Variants in XYLB observed in about 807,000 individuals in gnomAD.
The protein encoded by XYLB is xylulose kinase.
A neutral mutation model predicts 78.7 loss-of-function variants in XYLB; 62 were observed. The ratio of observed to expected loss-of-function variants is 0.79; its 90% CI spans 0.64 to 0.97. The LOEUF is 0.97. Among genes scored for constraint, XYLB ranks in the 50% least tolerant of loss-of-function variants. The pLI is 0.00. For missense variants in XYLB, 687 were observed against 676.8 expected (o/e 1.02, Z -0.17); for synonymous variants, 245 against 247.4 (o/e 0.99, Z 0.09).
chr3:38,363,318 G>A (rs986831691), intron 4 of XYLB, among the ~76,000 whole-genome samples: 9 of 152,186 alleles, frequency 5.9e-5, no homozygotes, highest in Non-Finnish European at 1.0e-4. Context: ...AATTTATTAT[G>A]ACTGCTTGGG....
At chr3:38,369,855 G>T (rs1706451915) in intron 8 of XYLB, among the ~76,000 whole-genome samples, 1 of 152,174 alleles carries the variant, frequency 6.6e-6, no homozygotes, top group Non-Finnish European at 1.5e-5. Flanking sequence ...TGGAGGAGGT[G>T]TGGTGCCGTG....
the XYLB span, among the ~76,000 whole-genome samples, chr3:38,442,363 C>T: frequency 7.1e-4 from 108 of 152,320 alleles, no homozygotes; most frequent in African/African-American, 2.4e-3. Flanking sequence ...ACCAGAGTGC[C>T]TGGACTTGAG....
the XYLB span, among the ~76,000 whole-genome samples, chr3:38,449,382 A>G: frequency 6.6e-6 from 1 of 152,124 alleles, no homozygotes; most frequent in Non-Finnish European, 1.5e-5. Context: ...TGGCCTCCCA[A>G]AGTGCTCAGA....
At chr3:38,439,616 G>T in the XYLB span, among the ~76,000 whole-genome samples, 1 of 152,120 alleles carries the variant, frequency 6.6e-6, no homozygotes, top group Admixed American at 6.5e-5. Context: ...CAAAAAATTA[G>T]CCAGGCACAG....
At chr3:38,379,435 A>G in intron 15 of XYLB, 93 bp downstream of exon 15, 1 of 1,276,164 alleles carries the variant, frequency 7.8e-7, no homozygotes, top group Non-Finnish European at 1.1e-6. Flanking sequence ...TATCTACTAA[A>G]GTTTTCTTAC....
downstream of XYLB, among the ~76,000 whole-genome samples, chr3:38,423,598 A>G (rs1709043799): frequency 6.6e-6 from 1 of 152,236 alleles, no homozygotes; most frequent in Admixed American, 6.5e-5. Context: ...TTCCTGTGGT[A>G]AACAACCTGC....
chr3:38,363,034 CTCTG>C lies in XYLB; in HGVS notation c.291+22_291+25del. 6.5e-7 allele frequency: 1 copy of C among 1,527,406 alleles called. No homozygotes were observed. The highest frequency in any genetic ancestry group is 2.0e-5 in the Admixed American group (1 of 49,034). 94.6% of individuals were successfully genotyped at this position (1,527,406 alleles called of 1,614,324 possible). ...GCGGGCCAGGTTCGTTTGCAGCAGA[CTCTG>C]TCTGCCATGTGAGGGTGACTGTCCT... On this transcript the variant is annotated intron_variant, in intron 4 of 18. Transcript: ENST00000207870.
downstream of XYLB, among the ~76,000 whole-genome samples, chr3:38,423,698 G>T (rs1469328142): frequency 6.6e-6 from 1 of 152,156 alleles, no homozygotes; most frequent in African/African-American, 2.4e-5. Context: ...ACAAGCAATT[G>T]AACCTACTCG....
downstream of XYLB, among the ~76,000 whole-genome samples, chr3:38,415,871 C>A (rs193102270): frequency 6.5e-4 from 99 of 152,248 alleles, 1 homozygote; most frequent in Admixed American, 2.0e-3. Flanking sequence ...GGGGAGGCCT[C>A]AGGAAACCTA....
intron 14 of XYLB, among the ~76,000 whole-genome samples, chr3:38,378,659 G>A (rs947725642): frequency 6.6e-6 from 1 of 151,874 alleles, no homozygotes; most frequent in Non-Finnish European, 1.5e-5. Flanking sequence ...AGGTCAGTAA[G>A]GTTAGAGTGT....
the XYLB span, among the ~76,000 whole-genome samples, chr3:38,435,968 AC>A: frequency 6.6e-6 from 1 of 152,210 alleles, no homozygotes; most frequent in African/African-American, 2.4e-5. Context: ...GTAACTGCCT[AC>A]ATCAAAAAAT....
chr3:38,424,836 A>G (rs951323568), downstream of XYLB, among the ~76,000 whole-genome samples: 5 of 152,356 alleles, frequency 3.3e-5, no homozygotes, highest in South Asian at 6.2e-4. Context: ...CCCTTTTTAC[A>G]TAACTCGTAT....
chr3:38,368,087 C>T lies in XYLB; in HGVS notation c.574-98C>T, dbSNP rs2234618. 18,608 of 1,190,074 alleles carry T rather than the reference C, an allele frequency of 0.016. 1,235 individuals carry two copies. The East Asian group carries it at 0.21, about 13-fold the overall frequency. 73.7% of individuals were successfully genotyped at this position (1,190,074 alleles called of 1,614,324 possible). A position where few individuals can be genotyped will look rare whatever the true frequency, so the allele number is the denominator to read the frequency against. On this transcript the variant is annotated intron_variant, in intron 7 of 18. Coordinates refer to ENST00000207870, the MANE Select transcript of XYLB (RefSeq NM_005108.4). ...CCTTTTGTTCAAAGTTTCCACTTCC[C>T]TCTCCAATTTTTTTTCATGCTTTGT...
chr3:38,420,338 T>C (rs1247193445), exon 18 of XYLB, among the ~76,000 whole-genome samples: 1 of 152,228 alleles, frequency 6.6e-6, no homozygotes, highest in Non-Finnish European at 1.5e-5. Flanking sequence ...TAGTGTTGAA[T>C]AGAAGCAGGG....
chr3:38,452,050 T>C, the XYLB span: 1 of 152,274 alleles, frequency 6.6e-6, no homozygotes, highest in South Asian at 2.1e-4. Flanking sequence ...CGATTTATAC[T>C]CCCTAGAAAA....
chr3:38,369,019 C>G (rs1343045186), intron 8 of XYLB, among the ~76,000 whole-genome samples: 1 of 152,084 alleles, frequency 6.6e-6, no homozygotes, highest in Non-Finnish European at 1.5e-5. Context: ...TGCAGGAACT[C>G]TTGGATGAGC....
At chr3:38,450,761 T>A in the XYLB span, among the ~76,000 whole-genome samples, 1 of 152,176 alleles carries the variant, frequency 6.6e-6, no homozygotes, top group African/African-American at 2.4e-5. Context: ...TTGGTTACTA[T>A]ATGGAAGATT....
intron 17 of XYLB, among the ~76,000 whole-genome samples, chr3:38,398,641 TCTGCCTGC>T (rs544081780): frequency 2.5e-4 from 38 of 149,522 alleles, no homozygotes; most frequent in East Asian, 1.2e-3. Flanking sequence ...TACCTATGAG[TCTGCCTGC>T]CTGCCTGCCT....
chr3:38,350,485 C>G (rs1050969282), intron 2 of XYLB, among the ~76,000 whole-genome samples: 4 of 152,052 alleles, frequency 2.6e-5, no homozygotes, highest in Non-Finnish European at 5.9e-5. Context: ...TTTGGTTATC[C>G]TGGCTAGAGG....
Sources: allele counts gnomAD v4.1 joint callset (sites outside exome capture counted in the v4.1 genomes callset), GRCh38; gene constraint gnomAD v4.1.1; transcripts MANE v1.5; gene names NCBI Gene and HGNC (gene_info 2026-07-23, HGNC 2026-07-21).